SNTG1: variants seen among roughly 807,000 people sequenced by gnomAD.
The protein encoded by SNTG1 is gamma-1-syntrophin.
SNTG1 carries 39 observed loss-of-function variants against 74.7 expected under a neutral mutation model. That is an observed-to-expected ratio of 0.52 (90% confidence interval 0.40 to 0.68). The LOEUF (loss-of-function observed/expected upper bound fraction) is 0.68. Ranked by LOEUF, SNTG1 falls within the 30% of genes least tolerant of loss-of-function variation. The probability of loss-of-function intolerance (pLI) is 0.00; values close to 1 mark genes in which losing one functional copy is unlikely to be tolerated. For synonymous variants in SNTG1, 254 were observed against 217.1 expected (o/e 1.17, Z -1.49); for missense variants, 685 against 609.5 (o/e 1.12, Z -1.30).
intron 9 of SNTG1, among the ~76,000 whole-genome samples, chr8:50,513,372 C>T (rs2094102317): frequency 6.6e-6 from 1 of 152,240 alleles, no homozygotes; most frequent in South Asian, 2.1e-4. Flanking sequence ...CAGGGACCCA[C>T]TTGAGGAGAC....
chr8:50,445,832 C>T (rs2093401771), intron 5 of SNTG1, among the ~76,000 whole-genome samples: 1 of 152,122 alleles, frequency 6.6e-6, no homozygotes, highest in Non-Finnish European at 1.5e-5. Flanking sequence ...ATTTATACTT[C>T]AGTAGGAAAG....
At chr8:50,114,334 G>A (rs1332065707) in intron 1 of SNTG1, among the ~76,000 whole-genome samples, 3 of 152,106 alleles carry the variant, frequency 2.0e-5, no homozygotes, top group Admixed American at 6.6e-5. Context: ...TGACAAACAT[G>A]CAATAACTTC....
At chr8:50,666,260 T>C (rs141278074) in intron 15 of SNTG1, among the ~76,000 whole-genome samples, 31 of 152,186 alleles carry the variant, frequency 2.0e-4, no homozygotes, top group Admixed American at 1.5e-3. Flanking sequence ...AGTGTCAAAG[T>C]CATTAAAGTT....
At chr8:50,133,633 C>G (rs2081383063) in intron 1 of SNTG1, among the ~76,000 whole-genome samples, 1 of 152,152 alleles carries the variant, frequency 6.6e-6, no homozygotes, top group South Asian at 2.1e-4. Context: ...CCAGCTTCCT[C>G]TGGTGGCCAT....
chr8:49,951,317 C>G (rs185105946), intron 1 of SNTG1, among the ~76,000 whole-genome samples: 5 of 152,078 alleles, frequency 3.3e-5, no homozygotes, highest in African/African-American at 9.7e-5. Flanking sequence ...TAAGACAATG[C>G]CTAGTGGCAT....
At chr8:50,154,858 C>T (rs1027709569) in intron 1 of SNTG1, among the ~76,000 whole-genome samples, 1 of 152,018 alleles carries the variant, frequency 6.6e-6, no homozygotes, top group African/African-American at 2.4e-5. Context: ...TGAAAGAAGA[C>T]ATTAGTGGAA....
At chr8:50,289,291 A>ATCTT (rs1469766093) in intron 2 of SNTG1, among the ~76,000 whole-genome samples, 1 of 152,174 alleles carries the variant, frequency 6.6e-6, no homozygotes, top group African/African-American at 2.4e-5. Context: ...AAGTTTACTG[A>ATCTT]TCTTACAGTA....
chr8:50,513,705 C>T (rs1184375508), intron 9 of SNTG1, among the ~76,000 whole-genome samples: 4 of 152,198 alleles, frequency 2.6e-5, no homozygotes, highest in Admixed American at 1.3e-4. Context: ...GGCATAAGAC[C>T]CTCCAAGCCA....
chr8:50,527,207 T>A (rs2094228074), intron 9 of SNTG1, among the ~76,000 whole-genome samples: 1 of 152,210 alleles, frequency 6.6e-6, no homozygotes, highest in Non-Finnish European at 1.5e-5. Flanking sequence ...TTTACTATTA[T>A]AGTGCATGAA....
At chr8:50,602,422 T>G (rs547553171) in intron 13 of SNTG1, among the ~76,000 whole-genome samples, 2 of 152,338 alleles carry the variant, frequency 1.3e-5, no homozygotes, top group East Asian at 3.9e-4. Flanking sequence ...TTCCTCCAAC[T>G]TTTTAACTTG....
At chr8:50,254,717 G>A (rs772257533) in intron 2 of SNTG1, among the ~76,000 whole-genome samples, 4 of 151,998 alleles carry the variant, frequency 2.6e-5, no homozygotes, top group East Asian at 2.0e-4. Flanking sequence ...GTGGTGATGC[G>A]TGCCTGTAGT....
chr8:50,384,362 A>G (rs1317631007), intron 2 of SNTG1, among the ~76,000 whole-genome samples: 1 of 152,214 alleles, frequency 6.6e-6, no homozygotes, highest in African/African-American at 2.4e-5. Flanking sequence ...ATATGATGAC[A>G]GTTAATAAGG....
intron 1 of SNTG1, among the ~76,000 whole-genome samples, chr8:50,006,882 T>C (rs1013207030): frequency 6.6e-6 from 1 of 152,182 alleles, no homozygotes. Context: ...CTCAGGCTGC[T>C]CATGGGCTCA....
intron 2 of SNTG1, among the ~76,000 whole-genome samples, chr8:50,206,786 A>G (rs1409705013): frequency 6.6e-6 from 1 of 152,132 alleles, no homozygotes; most frequent in Non-Finnish European, 1.5e-5. Context: ...GGGTTGTTGA[A>G]TTTTGTCAAA....
chr8:50,774,465 A>G (rs958794641), intron 18 of SNTG1, among the ~76,000 whole-genome samples: 1 of 151,882 alleles, frequency 6.6e-6, no homozygotes, highest in Non-Finnish European at 1.5e-5. Flanking sequence ...TAAGTGATGA[A>G]ACAAAAAGGC....
chr8:50,488,821 A>T (rs1359911111), intron 8 of SNTG1, among the ~76,000 whole-genome samples: 1 of 152,216 alleles, frequency 6.6e-6, no homozygotes, highest in Non-Finnish European at 1.5e-5. Context: ...ATAAATGTGC[A>T]GAACGCGCAG....
At chr8:50,123,559 A>G (rs911612208) in intron 1 of SNTG1, among the ~76,000 whole-genome samples, 1 of 142,904 alleles carries the variant, frequency 7.0e-6, no homozygotes, top group African/African-American at 2.5e-5. Context: ...TATGCATTAT[A>G]AAAGATGAAA....
intron 1 of SNTG1, among the ~76,000 whole-genome samples, chr8:50,147,554 A>C (rs2081915125): frequency 6.6e-6 from 1 of 152,210 alleles, no homozygotes; most frequent in Non-Finnish European, 1.5e-5. Context: ...GGTTACTCTA[A>C]AGAGTGACTT....
intron 1 of SNTG1, among the ~76,000 whole-genome samples, chr8:50,063,708 T>C (rs1439944481): frequency 6.6e-6 from 1 of 152,244 alleles, no homozygotes; most frequent in African/African-American, 2.4e-5. Flanking sequence ...CATTGCTTTT[T>C]TTTTTTAAAT....
Sources: allele counts gnomAD v4.1 joint callset (sites outside exome capture counted in the v4.1 genomes callset), GRCh38; gene constraint gnomAD v4.1.1; transcripts MANE v1.5; gene names NCBI Gene and HGNC (gene_info 2026-07-23, HGNC 2026-07-21).